Variants in DPP10 observed in about 807,000 individuals in gnomAD.
DPP10 encodes the protein inactive dipeptidyl peptidase 10.
DPP10 carries 33 observed loss-of-function variants against 120.9 expected under a neutral mutation model. The ratio of observed to expected loss-of-function variants is 0.27; its 90% CI spans 0.21 to 0.37. The LOEUF (loss-of-function observed/expected upper bound fraction) is 0.37. Among genes scored for constraint, DPP10 ranks in the 10% least tolerant of loss-of-function variants. The pLI is 1.00. For missense variants in DPP10, 816 were observed against 942.8 expected (o/e 0.87, Z 1.76); for synonymous variants, 337 against 326.1 (o/e 1.03, Z -0.36).
At chr2:114,942,636 T>C (rs963594080) in intron 1 of DPP10, among the ~76,000 whole-genome samples, 3 of 151,802 alleles carry the variant, frequency 2.0e-5, no homozygotes, top group African/African-American at 7.3e-5. Context: ...TATGCATTAT[T>C]ATCTGCAAAC....
At chr2:115,046,830 C>T (rs936050875) in intron 1 of DPP10, among the ~76,000 whole-genome samples, 3 of 151,828 alleles carry the variant, frequency 2.0e-5, no homozygotes, top group South Asian at 2.1e-4. Flanking sequence ...TATTATACAT[C>T]AATTTTAATT....
intron 19 of DPP10, among the ~76,000 whole-genome samples, chr2:115,800,314 C>T (rs756641179): frequency 4.0e-5 from 6 of 150,506 alleles, no homozygotes; most frequent in South Asian, 2.1e-4. Context: ...TGTTTGAGTT[C>T]ATTGTAGATT....
intron 1 of DPP10, among the ~76,000 whole-genome samples, chr2:115,232,421 G>A (rs1331146038): frequency 6.6e-6 from 1 of 152,110 alleles, no homozygotes; most frequent in Non-Finnish European, 1.5e-5. Context: ...TAATATGATA[G>A]GCTGGTCACC....
chr2:114,579,988 G>A (rs535166249), intron 1 of DPP10, among the ~76,000 whole-genome samples: 3 of 152,232 alleles, frequency 2.0e-5, no homozygotes, highest in East Asian at 1.9e-4. Flanking sequence ...ATTATGTGCC[G>A]AGAAAGGGCA....
intron 1 of DPP10, among the ~76,000 whole-genome samples, chr2:115,203,441 T>C (rs952138962): frequency 6.6e-6 from 1 of 152,162 alleles, no homozygotes; most frequent in African/African-American, 2.4e-5. Context: ...ATTTTTTCTA[T>C]GATTTGCCTC....
At chr2:115,776,294 C>T (rs1052852962) in intron 13 of DPP10, among the ~76,000 whole-genome samples, 4 of 152,104 alleles carry the variant, frequency 2.6e-5, no homozygotes, top group Admixed American at 1.3e-4. Context: ...AATGCTATCC[C>T]TCCCCTAGCC....
chr2:115,227,179 A>C (rs911628096), intron 1 of DPP10, among the ~76,000 whole-genome samples: 1 of 152,266 alleles, frequency 6.6e-6, no homozygotes, highest in Non-Finnish European at 1.5e-5. Context: ...GTCTTATTCA[A>C]ATTGCATGTA....
intron 3 of DPP10, among the ~76,000 whole-genome samples, chr2:115,361,917 C>T (rs1242376123): frequency 1.3e-5 from 2 of 151,808 alleles, no homozygotes; most frequent in East Asian, 3.9e-4. Context: ...CTATGTTGGC[C>T]CCCCAACTCC....
chr2:114,955,316 C>T (rs899240996), intron 1 of DPP10, among the ~76,000 whole-genome samples: 4 of 152,164 alleles, frequency 2.6e-5, no homozygotes, highest in Admixed American at 1.3e-4. Context: ...TCCTTTACTG[C>T]AACCTGTTTT....
At chr2:115,728,005 A>T in intron 8 of DPP10, 69 bp downstream of exon 8, 1 of 1,520,240 alleles carries the variant, frequency 6.6e-7, no homozygotes, top group Non-Finnish European at 8.9e-7. Context: ...ACCAAAAAAA[A>T]TCTATTCATT....
chr2:114,883,064 ATCAG>A (rs1451779484), intron 1 of DPP10, among the ~76,000 whole-genome samples: 5 of 152,236 alleles, frequency 3.3e-5, no homozygotes, highest in Admixed American at 6.5e-5. Context: ...GCACAGAAAA[ATCAG>A]ATGCCAAATA....
At chr2:114,828,308 A>G (rs913675796) in intron 1 of DPP10, 8 of 152,350 alleles carry the variant, frequency 5.3e-5, no homozygotes, top group Admixed American at 6.5e-5. Flanking sequence ...AGAACATAAC[A>G]TAACTTTTAT....
intron 19 of DPP10, among the ~76,000 whole-genome samples, chr2:115,808,514 G>A (rs900936946): frequency 1.3e-5 from 2 of 152,136 alleles, no homozygotes; most frequent in South Asian, 2.1e-4. Context: ...GGCACTTTAC[G>A]CAGCTACATA....
chr2:115,573,569 A>ACTG (rs1270107253), intron 5 of DPP10, among the ~76,000 whole-genome samples: 1 of 139,182 alleles, frequency 7.2e-6, no homozygotes, highest in African/African-American at 2.7e-5. Flanking sequence ...GGCGTGAGCC[A>ACTG]CTGCGCCCGG....
Position 115,838,251 on chromosome 2 carries a change from A to T in DPP10, c.2182+1505A>T, listed in dbSNP as rs181407598. Among the ~76,000 whole-genome samples the T allele has an allele frequency of 9.2e-5, 14 of 152,292 alleles. No individual in the cohort carries two copies. The East Asian group carries it at 2.7e-3, about 29-fold the overall frequency. On this transcript the variant is annotated intron_variant, in intron 24 of 25. Transcript: ENST00000410059. ...AGAGAGCGTAAAAATTTTGAGGGAC[A>T]TTTGGATGTTGTTCTAAGGTATTAA...
At chr2:115,761,825 A>C (rs1335014511) in intron 11 of DPP10, among the ~76,000 whole-genome samples, 1 of 152,154 alleles carries the variant, frequency 6.6e-6, no homozygotes, top group Non-Finnish European at 1.5e-5. Context: ...GTACCTCTGC[A>C]TATAGGAAAG....
At chr2:114,944,019 CT>C in intron 1 of DPP10, among the ~76,000 whole-genome samples, 1 of 152,138 alleles carries the variant, frequency 6.6e-6, no homozygotes, top group South Asian at 2.1e-4. Flanking sequence ...GGTTTTTTAT[CT>C]TTTTTGCTAT....
At position 115,498,988 on chromosome 2, in the gene DPP10, A is replaced by C. The variant is rs60381215; in HGVS notation, c.272-522A>C. Among the ~76,000 whole-genome samples the C allele has an allele frequency of 3.7e-3, 558 of 152,174 alleles. 3 individuals carry two copies. Among genetic ancestry groups the C allele is most frequent in the African/African-American group, 0.013 (546 of 41,568 alleles). ...TTGTGCAAGCCAGGTAAAATACCACAGAAAAAATTCACAACCCAGAAGAGA... is the reference window on the plus strand; with the variant it reads ...TTGTGCAAGCCAGGTAAAATACCACCGAAAAAATTCACAACCCAGAAGAGA... On this transcript the variant is annotated intron_variant, in intron 3 of 25. Coordinates refer to ENST00000410059, the MANE Select transcript of DPP10 (RefSeq NM_020868.6).
intron 1 of DPP10, among the ~76,000 whole-genome samples, chr2:114,775,737 A>G (rs1260707189): frequency 6.6e-6 from 1 of 152,196 alleles, no homozygotes; most frequent in East Asian, 1.9e-4. Flanking sequence ...TTAGAATGTC[A>G]CCACTCTTTG....
Sources: gnomAD v4.1 joint callset for allele counts (sites outside exome capture counted in the v4.1 genomes callset) on GRCh38, gnomAD v4.1.1 for gene constraint, MANE v1.5 for transcripts, NCBI Gene and HGNC (gene_info 2026-07-23, HGNC 2026-07-21) for gene names.